Variants in PPP2R3B observed in about 807,000 individuals in gnomAD.
PPP2R3B encodes the protein serine/threonine-protein phosphatase 2A regulatory subunit B'' subunit beta.
Under a neutral mutation model 72.9 loss-of-function variants are expected in PPP2R3B, and 68 were observed. The observed-to-expected ratio is 0.93, with a 90% CI of 0.77 to 1.14. PPP2R3B has a LOEUF of 1.14. Ranked by LOEUF, PPP2R3B falls within the 50% of genes most tolerant of loss-of-function variation. The pLI is 0.00. For missense variants in PPP2R3B, 1,018 were observed against 842.0 expected (o/e 1.21, Z -2.59); for synonymous variants, 466 against 375.8 (o/e 1.24, Z -2.78).
intron 1 of PPP2R3B, among the ~76,000 whole-genome samples, chrX:363,534 TC>T (rs2071600255): frequency 1.4e-5 from 2 of 142,504 alleles, no homozygotes; most frequent in Non-Finnish European, 1.5e-5. Context: ...GCAGTGCATC[TC>T]CCCGAGCCCG....
At chrX:361,020 AAG>A in intron 2 of PPP2R3B, among the ~76,000 whole-genome samples, 1 of 152,286 alleles carries the variant, frequency 6.6e-6, no homozygotes, top group South Asian at 2.1e-4. Context: ...CTCGGGCAGA[AAG>A]GGGCAAGGCC....
intron 7 of PPP2R3B, among the ~76,000 whole-genome samples, chrX:344,605 T>A (rs2071156702): frequency 6.6e-6 from 1 of 152,240 alleles, no homozygotes; most frequent in African/African-American, 2.4e-5. Context: ...AGCGCCTGGT[T>A]CTGGGCCGAT....
rs773605704 is a variant in PPP2R3B, at chrX:338,615, G to A, written c.1566C>T (p.Pro522=). ...ILVAEETAGE[P]WEDGFEAELS... is the part of the protein sequence containing the mutation. ...TCCTCCCCACTCACCCGTCCTCCCA[G>A]GGCTCTCCCGCAGTCTCCTCGGCCA... Residue 522 remains proline (P), a synonymous_variant, in exon 12 of 13, where the codon CCC becomes CCT. Transcript: ENST00000390665. 8.1e-5 allele frequency: 130 copies of A among 1,608,492 alleles called. 1 individual carries two copies. Among genetic ancestry groups the A allele is most frequent in the South Asian group, 2.9e-4 (26 of 90,570 alleles).
At chrX:350,345 G>A (rs1213995238) in intron 2 of PPP2R3B, among the ~76,000 whole-genome samples, 1 of 152,184 alleles carries the variant, frequency 6.6e-6, no homozygotes, top group Admixed American at 6.5e-5. Context: ...TTTCTTTCAC[G>A]GGCCACACGT....
At chrX:380,427 T>C (rs1436779405) in intron 1 of PPP2R3B, among the ~76,000 whole-genome samples, 1 of 151,974 alleles carries the variant, frequency 6.6e-6, no homozygotes, top group East Asian at 1.9e-4. Flanking sequence ...GGGAACCACA[T>C]GAATGGCAAA....
chrX:384,390 A>G (rs1392447821), intron 1 of PPP2R3B, among the ~76,000 whole-genome samples: 3 of 149,984 alleles, frequency 2.0e-5, no homozygotes, highest in Non-Finnish European at 4.4e-5. Context: ...TCCGACTCCC[A>G]GCTTCAAGCA....
intron 2 of PPP2R3B, among the ~76,000 whole-genome samples, chrX:360,737 C>T (rs992842484): frequency 5.9e-5 from 9 of 152,242 alleles, no homozygotes; most frequent in South Asian, 2.1e-4. Context: ...GCTGGAGATG[C>T]GGGCACAGGT....
At chrX:364,092 G>A (rs538085638) in intron 1 of PPP2R3B, among the ~76,000 whole-genome samples, 7 of 152,360 alleles carry the variant, frequency 4.6e-5, no homozygotes, top group African/African-American at 7.2e-5. Context: ...AGCGTGGGCC[G>A]AGCGGGCTCA....
chrX:347,177 GTAGACGCGGGCCCTCCCGTGAAGGAT>G, intron 4 of PPP2R3B, 31 bp downstream of exon 4: 1 of 87,428 alleles, frequency 1.1e-5, no homozygotes, highest in Non-Finnish European at 1.9e-5. Flanking sequence ...GGCATGCGGT[GTAGACGCGGGCCCTCCCGTGAAGGAT>G]AAGGCCTGTG....
At chrX:373,597 G>A (rs773287964) in intron 1 of PPP2R3B, 1 of 294,832 alleles carries the variant, frequency 3.4e-6, no homozygotes, top group South Asian at 2.6e-5. Flanking sequence ...CCGCGGGCCA[G>A]TGAGGCCAGC....
At chrX:363,834 C>T (rs1044499667) in intron 1 of PPP2R3B, among the ~76,000 whole-genome samples, 37 of 152,368 alleles carry the variant, frequency 2.4e-4, no homozygotes, top group Admixed American at 7.2e-4. Flanking sequence ...ATTTGGGGTA[C>T]GGAACTGACC....
At chrX:345,320 C>A in intron 7 of PPP2R3B, 196 bp downstream of exon 7, 2 of 806,134 alleles carry the variant, frequency 2.5e-6, no homozygotes, top group South Asian at 1.5e-5. Flanking sequence ...CAGAGGCGCA[C>A]GCGGGGACCC....
intron 1 of PPP2R3B, among the ~76,000 whole-genome samples, chrX:384,515 G>C (rs750583479): frequency 1.3e-5 from 2 of 151,866 alleles, no homozygotes; most frequent in Non-Finnish European, 2.9e-5. Context: ...GGCTGGTCTC[G>C]AACTCCTGAA....
At chrX:355,793 G>C (rs1437526164) in intron 2 of PPP2R3B, among the ~76,000 whole-genome samples, 1 of 152,342 alleles carries the variant, frequency 6.6e-6, no homozygotes. Flanking sequence ...CAGAAAGGAG[G>C]CCTGAGGTAG....
intron 1 of PPP2R3B, among the ~76,000 whole-genome samples, chrX:366,883 C>G (rs1179550757): frequency 6.7e-5 from 10 of 149,914 alleles, no homozygotes; most frequent in African/African-American, 2.5e-4. Context: ...AAACGATTAA[C>G]CAGGTGTGGT....
chrX:369,927 T>A (rs972118887), intron 1 of PPP2R3B, among the ~76,000 whole-genome samples: 1 of 152,038 alleles, frequency 6.6e-6, no homozygotes, highest in African/African-American at 2.4e-5. Flanking sequence ...ACGGGGGGTT[T>A]GGCCGGGACG....
chrX:339,163 G>A (rs1431945249), intron 10 of PPP2R3B, among the ~76,000 whole-genome samples: 4 of 151,580 alleles, frequency 2.6e-5, no homozygotes, highest in Non-Finnish European at 4.4e-5. Context: ...GGGAGGCGCG[G>A]CCAGCAGGGG....
chrX:359,186 C>T (rs1242717451), intron 2 of PPP2R3B, among the ~76,000 whole-genome samples: 1 of 152,246 alleles, frequency 6.6e-6, no homozygotes, highest in Non-Finnish European at 1.5e-5. Flanking sequence ...GGTGAGTTCT[C>T]CACACAACGG....
chrX:363,141 T>A lies in PPP2R3B; in HGVS notation c.325-1551A>T, dbSNP rs2071577181. Among the ~76,000 whole-genome samples, 3 of 149,424 alleles carry A rather than the reference T, an allele frequency of 2.0e-5. No individual in the cohort carries two copies. In the Admixed American group the frequency reaches 2.0e-4, roughly 10 times the overall value. On this transcript the variant is annotated intron_variant, in intron 1 of 12. Transcript: ENST00000390665. ...GACTGAGTGCTCCTTCAGCACAGCT[T>A]TACCTAAGGGCACACCCCTTCCCTG...
Sources: gnomAD v4.1 joint callset for allele counts (sites outside exome capture counted in the v4.1 genomes callset) on GRCh38, gnomAD v4.1.1 for gene constraint, MANE v1.5 for transcripts, NCBI Gene and HGNC (gene_info 2026-07-23, HGNC 2026-07-21) for gene names.